Variants in SLC24A4 observed in about 807,000 individuals in gnomAD.
SLC24A4 encodes the protein solute carrier family 24 member 4, also known as sodium/potassium/calcium exchanger 4.
SLC24A4 carries 53 observed loss-of-function variants against 79.0 expected under a neutral mutation model. The ratio of observed to expected loss-of-function variants is 0.67; its 90% CI spans 0.54 to 0.84. The LOEUF (loss-of-function observed/expected upper bound fraction) is 0.84. SLC24A4 is among the 40% of genes least tolerant of loss of function. The pLI is 0.00. For missense variants in SLC24A4, 731 were observed against 822.0 expected (o/e 0.89, Z 1.35); for synonymous variants, 323 against 323.8 (o/e 1.00, Z 0.03).
chr14:92,458,226 A>G (rs2139854914), intron 12 of SLC24A4, among the ~76,000 whole-genome samples: 1 of 152,174 alleles, frequency 6.6e-6, no homozygotes, highest in Middle Eastern at 3.4e-3. Flanking sequence ...TTGCTGGCCA[A>G]CACCTCCCAG....
rs1013567357 is a variant in SLC24A4 at position 92,464,009 on chromosome 14, T to C, written c.1255+7401T>C. Among the ~76,000 whole-genome samples, 6 of 152,248 alleles carry C rather than the reference T, an allele frequency of 3.9e-5. No homozygotes were observed. In the South Asian group the frequency reaches 1.0e-3, roughly 26 times the overall value. ...TTCCTTTTTATGGCTGAATATTCCATTGGATGGATCATGAATGCCACATTT... is the reference window on the plus strand; with the variant it reads ...TTCCTTTTTATGGCTGAATATTCCACTGGATGGATCATGAATGCCACATTT... On this transcript the variant is annotated intron_variant, in intron 12 of 16. Transcript: ENST00000532405.
In SLC24A4 at chr14:92,493,768, C is replaced by A; in HGVS notation, c.*140C>A. ...TTCACACACTGGAAGGAAGAGCCAT[C>A]GTGGTCTTTGTCTGGCCACAGGCCA... On this transcript the variant is annotated 3_prime_UTR_variant, in exon 17 of 17. Transcript: ENST00000532405. 2.8e-6 allele frequency: 3 copies of A among 1,055,766 alleles called. No individual in the cohort carries two copies. The highest frequency in any genetic ancestry group is 1.7e-5 in the South Asian group (1 of 60,260). The allele number at this position is 1,055,766 out of a possible 1,614,324, so 65.4% of individuals were successfully genotyped here.
intron 4 of SLC24A4, 23 bp from the exon 5 acceptor site, chr14:92,442,066 G>T (rs1461824217): frequency 1.2e-6 from 2 of 1,603,410 alleles, no homozygotes; most frequent in South Asian, 1.1e-5. Flanking sequence ...CACCCTGAGG[G>T]TCTGTGGTCA....
At position 92,433,996 on chromosome 14, in the gene SLC24A4, G is replaced by A. The variant is rs376764844; in HGVS notation, c.318+8G>A. ...CTGCTGCACATCCTTGGTGTAAGTC[G>A]TCCTCCCAGAGTGGTCACAAAACTT... On this transcript the variant is annotated splice_region_variant and intron_variant, in intron 3 of 16. Coordinates refer to ENST00000532405, the MANE Select transcript of SLC24A4 (RefSeq NM_153646.4). 6.9e-5 allele frequency: 112 copies of A among 1,612,870 alleles called. No individual in the cohort carries two copies. The highest frequency in any genetic ancestry group is 8.7e-5 in the Non-Finnish European group (102 of 1,178,958).
At chr14:92,475,779 G>A (rs1894728252) in intron 12 of SLC24A4, among the ~76,000 whole-genome samples, 1 of 152,156 alleles carries the variant, frequency 6.6e-6, no homozygotes. Context: ...AATATAAAAA[G>A]GAAACCAGTT....
Position 92,455,228 on chromosome 14 carries a change from G to A in SLC24A4, c.1050+1159G>A, listed in dbSNP as rs146412332. Among the ~76,000 whole-genome samples the A allele has an allele frequency of 4.1e-4, 62 of 152,288 alleles. 1 individual carries two copies. The East Asian group carries it at 0.011, about 28-fold the overall frequency. ...AGCCGCTAGCCCACTTAATGTGAGG[G>A]TATTGAACAGGATGCTTTCAGCTCT... is the stretch of plus-strand genomic sequence containing the variant. On this transcript the variant is annotated intron_variant, in intron 11 of 16. Transcript: ENST00000532405.
At chr14:92,472,908 G>A (rs1894516338) in intron 12 of SLC24A4, among the ~76,000 whole-genome samples, 1 of 152,106 alleles carries the variant, frequency 6.6e-6, no homozygotes, top group South Asian at 2.1e-4. Context: ...CCACCAGCCT[G>A]TAGAAGTTAC....
In SLC24A4 at chr14:92,453,916, G is replaced by A; in HGVS notation, c.897G>A (p.Gln299=). 6.2e-7 allele frequency: 1 copy of A among 1,611,728 alleles called. No individual in the cohort carries two copies. Among genetic ancestry groups the A allele is most frequent in the Non-Finnish European group, 8.5e-7 (1 of 1,179,022 alleles). The part of the protein sequence containing the change: ...PLLGQVKEKP[Q]YGKNPVVMVD... ...GCTCAACAGTGAAGGAGAAGCCACA[G>A]TATGGCAAGAACCCCGTGGTGATGG... The change falls in exon 11 of 17, where the codon CAG becomes CAA. Residue 299 remains glutamine, a synonymous_variant. Coordinates refer to ENST00000532405, the MANE Select transcript of SLC24A4 (RefSeq NM_153646.4).
At position 92,356,282 on chromosome 14, in the gene SLC24A4, C is replaced by G. The variant is rs558962955; in HGVS notation, c.241+30304C>G. On this transcript the variant is annotated intron_variant, in intron 2 of 16. Coordinates refer to ENST00000532405, the MANE Select transcript of SLC24A4 (RefSeq NM_153646.4). ...TACAGTGTATTTATCGAGATGTGAC[C>G]CCATCGTAAGTTGAAGAGCATCTAT... Among the ~76,000 whole-genome samples, 80 of 152,232 alleles carry G rather than the reference C, an allele frequency of 5.3e-4. 1 individual carries two copies. The highest frequency in any genetic ancestry group is 3.3e-3 in the South Asian group (16 of 4,820).
chr14:92,464,795 G>T (rs568774963), intron 12 of SLC24A4, among the ~76,000 whole-genome samples: 1 of 152,238 alleles, frequency 6.6e-6, no homozygotes, highest in African/African-American at 2.4e-5. Flanking sequence ...TTACACGGGC[G>T]TTGTAGTGAA....
Position 92,482,825 on chromosome 14 carries a change from C to T in SLC24A4, c.1401C>T (p.Phe467=). 1 of 1,612,932 alleles carries T rather than the reference C, an allele frequency of 6.2e-7. No individual in the cohort carries two copies. Among genetic ancestry groups the T allele is most frequent in the Non-Finnish European group, 8.5e-7 (1 of 1,179,236 alleles). Residue 467 remains phenylalanine, a synonymous_variant, in exon 13 of 17, where the codon TTC becomes TTT. Transcript: ENST00000532405. The part of the protein sequence containing the change: ...FITATLWIAV[F]SYIMVWLVTI... ...CCGCCACGCTGTGGATCGCTGTGTT[C>T]TCCTACATCATGGTGTGGCTGGTGA... is the stretch of plus-strand genomic sequence containing the variant.
At chr14:92,385,232 C>T (rs570280601) in intron 2 of SLC24A4, among the ~76,000 whole-genome samples, 2 of 152,252 alleles carry the variant, frequency 1.3e-5, no homozygotes, top group South Asian at 2.1e-4. Flanking sequence ...GCCGGCCAGG[C>T]GCGGTGGCTC....
intron 2 of SLC24A4, among the ~76,000 whole-genome samples, chr14:92,368,874 A>G (rs1887998451): frequency 6.6e-6 from 1 of 152,188 alleles, no homozygotes; most frequent in Non-Finnish European, 1.5e-5. Flanking sequence ...TCTGTGGAAG[A>G]GGGGATTAAC....
intron 2 of SLC24A4, among the ~76,000 whole-genome samples, chr14:92,423,893 C>T (rs1269731896): frequency 1.3e-5 from 2 of 152,154 alleles, no homozygotes; most frequent in Non-Finnish European, 2.9e-5. Flanking sequence ...ACTGGGTGAC[C>T]TAAAACAACA....
chr14:92,482,487 C>G (rs1007788467), intron 12 of SLC24A4, among the ~76,000 whole-genome samples, 193 bp from the exon 13 acceptor site: 2 of 152,222 alleles, frequency 1.3e-5, no homozygotes, highest in Admixed American at 6.5e-5. Flanking sequence ...GCAACAAACA[C>G]TTACTGAATT....
intron 4 of SLC24A4, among the ~76,000 whole-genome samples, chr14:92,440,093 G>T (rs1190737522): frequency 2.0e-5 from 3 of 152,214 alleles, no homozygotes; most frequent in Non-Finnish European, 4.4e-5. Context: ...GACATTTGCA[G>T]CTGGGAGGGT....
chr14:92,458,652 C>G (rs1893624857), intron 12 of SLC24A4, among the ~76,000 whole-genome samples: 1 of 152,208 alleles, frequency 6.6e-6, no homozygotes, highest in African/African-American at 2.4e-5. Context: ...AGAACCAGCT[C>G]ACGGTGATGA....
chr14:92,421,668 C>T (rs377096678), intron 2 of SLC24A4, among the ~76,000 whole-genome samples: 13 of 151,904 alleles, frequency 8.6e-5, no homozygotes, highest in East Asian at 1.9e-4. Flanking sequence ...CCATCATGCC[C>T]GGCTAATTTT....
intron 2 of SLC24A4, among the ~76,000 whole-genome samples, chr14:92,384,005 A>G (rs1378594918): frequency 1.3e-5 from 2 of 152,198 alleles, no homozygotes; most frequent in African/African-American, 2.4e-5. Context: ...AAACCACTTA[A>G]TGACTCCAGC....
Sources: allele counts gnomAD v4.1 joint callset (sites outside exome capture counted in the v4.1 genomes callset), GRCh38; gene constraint gnomAD v4.1.1; transcripts MANE v1.5; gene names NCBI Gene and HGNC (gene_info 2026-07-23, HGNC 2026-07-21).